Variants in CYFIP2 observed in about 807,000 individuals in gnomAD.
The protein encoded by CYFIP2 is cytoplasmic FMR1-interacting protein 2.
A neutral mutation model predicts 158.7 loss-of-function variants in CYFIP2; 29 were observed. The observed-to-expected ratio is 0.18, with a 90% CI of 0.14 to 0.25. The LOEUF (loss-of-function observed/expected upper bound fraction) is 0.25. Among genes scored for constraint, CYFIP2 ranks in the 10% least tolerant of loss-of-function variants. CYFIP2 has a pLI of 1.00. For synonymous variants in CYFIP2, 585 were observed against 617.6 expected (o/e 0.95, Z 0.78); for missense variants, 852 against 1,639.5 (o/e 0.52, Z 8.29).
chr5:157,368,746 G>C (rs1441270697), intron 26 of CYFIP2, among the ~76,000 whole-genome samples: 1 of 143,264 alleles, frequency 7.0e-6, no homozygotes, highest in Non-Finnish European at 1.6e-5. Flanking sequence ...CCACAGACAA[G>C]ACCAAGAGCC....
chr5:157,297,237 A>C (rs961489086), intron 5 of CYFIP2, among the ~76,000 whole-genome samples: 5 of 152,190 alleles, frequency 3.3e-5, no homozygotes, highest in Admixed American at 6.5e-5. Flanking sequence ...GGCCGGAAGG[A>C]GCTTGCTGTG....
At chr5:157,355,911 C>T (rs1763377982) in intron 23 of CYFIP2, among the ~76,000 whole-genome samples, 1 of 152,180 alleles carries the variant, frequency 6.6e-6, no homozygotes, top group African/African-American at 2.4e-5. Context: ...CTGGCTGAAG[C>T]TGCAGCCCTC....
At chr5:157,379,731 A>G in intron 26 of CYFIP2, among the ~76,000 whole-genome samples, 1 of 149,644 alleles carries the variant, frequency 6.7e-6, no homozygotes, top group Non-Finnish European at 1.5e-5. Context: ...TGTGAATTCC[A>G]TCAAATATTT....
chr5:157,330,713 T>C, intron 19 of CYFIP2, 29 bp from the exon 20 acceptor site: 1 of 1,576,328 alleles, frequency 6.3e-7, no homozygotes, highest in African/African-American at 1.3e-5. Context: ...ATCTGTTTAC[T>C]GGCCTTGTTT....
chr5:157,286,869 G>C (rs1757437405), intron 2 of CYFIP2, 150 bp from the exon 3 acceptor site: 1 of 585,470 alleles, frequency 1.7e-6, no homozygotes. Flanking sequence ...GTGGGACTTT[G>C]TGGGGAAGGG....
chr5:157,375,819 G>A (rs1240698655), intron 26 of CYFIP2: 1 of 152,112 alleles, frequency 6.6e-6, no homozygotes, highest in African/African-American at 2.4e-5. Context: ...AGTTCTTAGT[G>A]TTAAGTGAGG....
intron 30 of CYFIP2, among the ~76,000 whole-genome samples, chr5:157,390,996 C>T (rs1767224907): frequency 6.6e-6 from 1 of 152,088 alleles, no homozygotes; most frequent in Non-Finnish European, 1.5e-5. Flanking sequence ...TACGGGGCAC[C>T]TGGATGGGAT....
chr5:157,350,934 G>A (rs558478208), intron 23 of CYFIP2, among the ~76,000 whole-genome samples: 2 of 152,202 alleles, frequency 1.3e-5, no homozygotes, highest in African/African-American at 2.4e-5. Flanking sequence ...CAGCTTGGTC[G>A]GTGTTGGTGT....
intron 1 of CYFIP2, 145 bp from the exon 2 acceptor site, chr5:157,285,194 A>C: frequency 1.7e-6 from 1 of 604,530 alleles, no homozygotes. Flanking sequence ...CATCGAGAGC[A>C]CCTTGGGAAG....
chr5:157,282,612 T>A (rs1757074224), intron 1 of CYFIP2, among the ~76,000 whole-genome samples: 1 of 152,242 alleles, frequency 6.6e-6, no homozygotes, highest in Non-Finnish European at 1.5e-5. Context: ...TTGGGACAGA[T>A]TCCTAGAAGT....
chr5:157,389,457 C>T (rs775519732), intron 29 of CYFIP2, 30 bp downstream of exon 29: 1 of 1,515,544 alleles, frequency 6.6e-7, no homozygotes, highest in Non-Finnish European at 8.9e-7. Context: ...GGCAGGGTTA[C>T]CCCCAACCTG....
intron 23 of CYFIP2, chr5:157,343,299 T>C: frequency 6.2e-7 from 1 of 1,614,158 alleles, no homozygotes; most frequent in Non-Finnish European, 8.5e-7. Context: ...AAGGCAGCCT[T>C]CTTACAGCTG....
At chr5:157,330,631 A>G (rs1051779555) in intron 19 of CYFIP2, 111 bp from the exon 20 acceptor site, 31 of 782,694 alleles carry the variant, frequency 4.0e-5, no homozygotes, top group African/African-American at 1.4e-4. Context: ...CTTAAGTTAT[A>G]TAAGATAGTG....
Position 157,319,821 on chromosome 5 carries a change from C to T in CYFIP2, c.1416C>T (p.Asn472=). The change falls in exon 14 of 31, where the codon AAC becomes AAT. Residue 472 remains asparagine (N), a synonymous_variant. Coordinates refer to ENST00000620254, the MANE Select transcript of CYFIP2 (RefSeq NM_001037333.3). ...VLMGRMESVF[N]QAIRNTIYAA... ...TGGGCAGGATGGAGAGCGTCTTCAA[C>T]CAGGCCATCAGGAACACCATCTACG... The T allele has an allele frequency of 6.2e-7, 1 of 1,614,146 alleles. No individual in the cohort carries two copies. Among genetic ancestry groups the T allele is most frequent in the Non-Finnish European group, 8.5e-7 (1 of 1,179,950 alleles).
At chr5:157,277,305 A>C (rs1281980537) in intron 1 of CYFIP2, 1 of 152,424 alleles carries the variant, frequency 6.6e-6, no homozygotes, top group Non-Finnish European at 1.5e-5. Flanking sequence ...TGTTGGGGTT[A>C]CAGGCATGAG....
chr5:157,351,108 G>A (rs1763038212), intron 23 of CYFIP2, among the ~76,000 whole-genome samples: 2 of 151,780 alleles, frequency 1.3e-5, no homozygotes, highest in Admixed American at 1.3e-4. Context: ...TGGTTAAAGT[G>A]GGCACCCTTG....
At chr5:157,332,175 C>T (rs968595533) in intron 20 of CYFIP2, among the ~76,000 whole-genome samples, 4 of 152,220 alleles carry the variant, frequency 2.6e-5, no homozygotes, top group Admixed American at 2.6e-4. Context: ...CCCTGAACCT[C>T]TTCCCACAGC....
intron 26 of CYFIP2, chr5:157,363,777 A>G (rs1169593918): frequency 6.6e-6 from 1 of 152,298 alleles, no homozygotes; most frequent in African/African-American, 2.4e-5. Context: ...CTTGGAGGCA[A>G]TAGGTGCTTG....
chr5:157,286,933 G>T (rs1043954653), intron 2 of CYFIP2, 86 bp from the exon 3 acceptor site: 1 of 963,856 alleles, frequency 1.0e-6, no homozygotes, highest in Non-Finnish European at 1.6e-6. Flanking sequence ...TGCGTTGTTT[G>T]TTGGCAGCAG....
Sources: gnomAD v4.1 joint callset for allele counts (sites outside exome capture counted in the v4.1 genomes callset) on GRCh38, gnomAD v4.1.1 for gene constraint, MANE v1.5 for transcripts, NCBI Gene and HGNC (gene_info 2026-07-23, HGNC 2026-07-21) for gene names.